Variants in MYO5C observed in about 807,000 individuals in gnomAD.
MYO5C encodes the protein myosin VC, also known as unconventional myosin-Vc.
In MYO5C, 194 loss-of-function variants were observed where a neutral mutation model predicts 235.7. That is an observed-to-expected ratio of 0.82 (90% CI 0.73 to 0.93). The LOEUF is 0.93. Among genes scored for constraint, MYO5C ranks in the 40% least tolerant of loss-of-function variants. MYO5C has a pLI of 0.00. For missense variants in MYO5C, 2,038 were observed against 2,127.2 expected (o/e 0.96, Z 0.82); for synonymous variants, 707 against 754.8 (o/e 0.94, Z 1.04).
intron 13 of MYO5C, among the ~76,000 whole-genome samples, 169 bp from the exon 14 acceptor site, chr15:52,248,952 G>T (rs1156930399): frequency 2.0e-5 from 3 of 152,182 alleles, no homozygotes; most frequent in Non-Finnish European, 4.4e-5. Context: ...TTATGTATAA[G>T]CTGGGAATGT....
At chr15:52,208,680 G>T in intron 35 of MYO5C, 37 bp from the exon 36 acceptor site, 2 of 1,565,458 alleles carry the variant, frequency 1.3e-6, no homozygotes, top group South Asian at 2.2e-5. Context: ...TGGTCTTGAT[G>T]ATTACTTGTA....
intron 33 of MYO5C, 75 bp from the exon 34 acceptor site, chr15:52,213,361 T>G: frequency 1.5e-5 from 16 of 1,040,940 alleles, no homozygotes; most frequent in Non-Finnish European, 2.4e-5. Flanking sequence ...ACTACTCTCC[T>G]ACCCCATTCT....
intron 23 of MYO5C, among the ~76,000 whole-genome samples, chr15:52,234,058 C>T (rs188739184): frequency 5.9e-5 from 9 of 152,326 alleles, no homozygotes; most frequent in South Asian, 2.1e-4. Flanking sequence ...GAAGCCAACA[C>T]GTTTTATATA....
chr15:52,221,225 C>G lies in MYO5C; in HGVS notation c.3658G>C (p.Glu1220Gln), dbSNP rs763349043. Residue 1220 changes from glutamate to glutamine, a missense_variant, in exon 30 of 41, where the codon GAA becomes CAA. By Grantham distance (29) the Glu-to-Gln change is conservative. Transcript: ENST00000261839. ...MIPDFKQQIS[E>Q]LEKQKQDLEI... ...AGATCTTGCTTCTGTTTCTCCAATT[C>G]TGAAATTTGCTGTTTAAAGTCTGGG... The G allele has an allele frequency of 3.1e-6, 5 of 1,612,626 alleles. No individual in the cohort carries two copies. The highest frequency in any genetic ancestry group is 2.2e-5 in the South Asian group (2 of 90,824).
intron 36 of MYO5C, among the ~76,000 whole-genome samples, 199 bp downstream of exon 36, chr15:52,208,355 C>T (rs182776479): frequency 6.6e-6 from 1 of 152,278 alleles, no homozygotes; most frequent in East Asian, 1.9e-4. Flanking sequence ...GTAATGGAGA[C>T]CTAGGAGGCC....
Position 52,282,686 on chromosome 15 carries a change from G to T in MYO5C, c.138+96C>A. 3 of 843,214 alleles carry T rather than the reference G, an allele frequency of 3.6e-6. No homozygotes were observed. The East Asian group carries it at 7.4e-5, about 21-fold the overall frequency. The allele number at this position is 843,214 out of a possible 1,614,324, so 52.2% of individuals were successfully genotyped here. On this transcript the variant is annotated intron_variant, in intron 2 of 40. Coordinates refer to ENST00000261839, the MANE Select transcript of MYO5C (RefSeq NM_018728.4). ...GGTGCCCACTCGTGCGCCCTCCCCT[G>T]GGTGCCTCCCACGGGGTCCACGTGC...
chr15:52,271,964 G>A (rs1016956996), intron 6 of MYO5C, 120 bp from the exon 7 acceptor site: 18 of 541,020 alleles, frequency 3.3e-5, no homozygotes, highest in Non-Finnish European at 5.3e-5. Context: ...TCTGGGATGT[G>A]ATCTGGCCAG....
At chr15:52,204,824 C>G in intron 38 of MYO5C, 41 bp downstream of exon 38, 1 of 1,598,922 alleles carries the variant, frequency 6.3e-7, no homozygotes, top group Non-Finnish European at 8.5e-7. Flanking sequence ...AGCATCCTTT[C>G]TGCAGGCCTC....
rs779706496 is a variant in MYO5C at position 52,269,729 on chromosome 15, C to G, written c.940+24G>C. 2.1e-5 allele frequency: 31 copies of G among 1,449,542 alleles called. No individual in the cohort carries two copies. In the East Asian group the frequency reaches 6.9e-4, roughly 32 times the overall value. The allele number at this position is 1,449,542 out of a possible 1,614,324, so 89.8% of individuals were successfully genotyped here. Reference sequence around the variant, plus strand: ...TTTTTTAAGAGAAAATGGCTACATACTTGGATGGGATATTTTCCCTTACCC... The same window carrying G: ...TTTTTTAAGAGAAAATGGCTACATAGTTGGATGGGATATTTTCCCTTACCC... On this transcript the variant is annotated intron_variant, in intron 8 of 40. Coordinates refer to ENST00000261839, the MANE Select transcript of MYO5C (RefSeq NM_018728.4).
rs759719232 is a variant in MYO5C, at chr15:52,235,669, CCTTTT to C, written c.2958_2962del (p.Glu988AsnfsTer10). The C allele has an allele frequency of 6.2e-7, 1 of 1,607,742 alleles. No homozygotes were observed. The highest frequency in any genetic ancestry group is 8.5e-7 in the Non-Finnish European group (1 of 1,176,246). On this transcript the variant is annotated frameshift_variant and splice_region_variant, in exon 23 of 41. Coordinates refer to ENST00000261839, the MANE Select transcript of MYO5C (RefSeq NM_018728.4). LOFTEE classifies it high-confidence loss of function. Reference sequence around the variant, plus strand: ...CTGGATTTGTGCCCCCCAAGCTTTACCTTTTAACTCTTCAGTCTTCTCTTGAAGCT... The same window carrying C: ...CTGGATTTGTGCCCCCCAAGCTTTACAACTCTTCAGTCTTCTCTTGAAGCT...
chr15:52,248,723 C>A lies in MYO5C; in HGVS notation c.1723G>T (p.Val575Phe). Residue 575 changes from valine to phenylalanine, a missense_variant, in exon 14 of 41, where the codon GTT becomes TTT. Coordinates refer to ENST00000261839, the MANE Select transcript of MYO5C (RefSeq NM_018728.4). ...KNRDTVYDML[V>F]EILRASKFHL... ...ACCTTGCTTGCTCTCAGGATTTCAA[C>A]CAGCATGTCATAGACGGTGTCTCTG... 1 of 1,614,048 alleles carries A rather than the reference C, an allele frequency of 6.2e-7. No homozygotes were observed.
At chr15:52,256,970 A>C in intron 10 of MYO5C, 1 of 414,868 alleles carries the variant, frequency 2.4e-6, no homozygotes, top group Non-Finnish European at 4.4e-6. Flanking sequence ...TAAAATAAGC[A>C]TGTCACCATA....
chr15:52,264,467 T>C (rs567992657), intron 8 of MYO5C, among the ~76,000 whole-genome samples, 171 bp from the exon 9 acceptor site: 148 of 152,280 alleles, frequency 9.7e-4, no homozygotes, highest in African/African-American at 3.5e-3. Flanking sequence ...AGTCGACCTC[T>C]GTAGACATAT....
intron 30 of MYO5C, 37 bp downstream of exon 30, chr15:52,221,125 C>G: frequency 1.3e-6 from 2 of 1,522,696 alleles, no homozygotes; most frequent in Non-Finnish European, 9.0e-7. Context: ...TACAGGAAAC[C>G]GTTTTCTAAA....
intron 31 of MYO5C, among the ~76,000 whole-genome samples, chr15:52,219,269 G>A (rs1272575988): frequency 1.3e-5 from 2 of 152,188 alleles, no homozygotes; most frequent in Non-Finnish European, 2.9e-5. Flanking sequence ...GCCAGGGCAC[G>A]AGGCCCTTTA....
rs1566964033 is a variant in MYO5C, at chr15:52,213,296, G to C, written c.4043-10C>G. The stretch of plus-strand genomic sequence containing the variant: ...GAGTGCACATCATTGGCTGTAGACA[G>C]AGGCAAACAATCAGCTAAATACACA... On this transcript the variant is annotated splice_polypyrimidine_tract_variant and intron_variant, in intron 33 of 40. Transcript: ENST00000261839. 1 of 1,601,034 alleles carries C rather than the reference G, an allele frequency of 6.2e-7. No homozygotes were observed. The highest frequency in any genetic ancestry group is 8.6e-7 in the Non-Finnish European group (1 of 1,168,206).
chr15:52,278,760 G>T (rs1029952424), intron 4 of MYO5C, 113 bp downstream of exon 4: 32 of 1,284,028 alleles, frequency 2.5e-5, no homozygotes, highest in Non-Finnish European at 3.3e-5. Flanking sequence ...CACCACCTCT[G>T]GCCTATCTCT....
chr15:52,283,132 G>C (rs1393015559), intron 1 of MYO5C, among the ~76,000 whole-genome samples: 2 of 152,148 alleles, frequency 1.3e-5, no homozygotes, highest in Non-Finnish European at 2.9e-5. Context: ...AACGCTGAAA[G>C]CCTGTACGTG....
In MYO5C at chr15:52,229,259, C is replaced by T. The variant is rs762225123; in HGVS notation, c.3081G>A (p.Gln1027=). 1.2e-6 allele frequency: 2 copies of T among 1,614,094 alleles called. No homozygotes were observed. Among genetic ancestry groups the T allele is most frequent in the Non-Finnish European group, 1.7e-6 (2 of 1,180,044 alleles). The change falls in exon 25 of 41, where the codon CAG becomes CAA. Residue 1027 remains glutamine, a synonymous_variant. Coordinates refer to ENST00000261839, the MANE Select transcript of MYO5C (RefSeq NM_018728.4). Reference sequence around the variant, plus strand: ...GAGCTTTAATTTCTTCTTTCAAAGACTGAATCTGCTTCTCATAGTCTTGTG... The same window carrying T: ...GAGCTTTAATTTCTTCTTTCAAAGATTGAATCTGCTTCTCATAGTCTTGTG... ...LKTQDYEKQI[Q]SLKEEIKALK...
Sources: allele counts gnomAD v4.1 joint callset (sites outside exome capture counted in the v4.1 genomes callset), GRCh38; gene constraint gnomAD v4.1.1; transcripts MANE v1.5; gene names NCBI Gene and HGNC (gene_info 2026-07-23, HGNC 2026-07-21).